Variants in NFE2L3 observed in about 807,000 individuals in gnomAD.
NFE2L3 encodes the protein NFE2 like bZIP transcription factor 3.
A neutral mutation model predicts 23.5 loss-of-function variants in NFE2L3; 18 were observed. The observed-to-expected ratio is 0.77, with a 90% confidence interval of 0.53 to 1.13. The LOEUF is 1.13. NFE2L3 is among the 50% of genes most tolerant of loss of function. The pLI is 0.00. For synonymous variants in NFE2L3, 424 were observed against 354.5 expected (o/e 1.20, Z -2.20); for missense variants, 1,152 against 877.2 (o/e 1.31, Z -3.96).
intron 1 of NFE2L3, among the ~76,000 whole-genome samples, chr7:26,167,066 CTT>C (rs1024734728): frequency 3.3e-5 from 5 of 152,184 alleles, no homozygotes; most frequent in Admixed American, 2.0e-4. Context: ...GCTTCAGAGA[CTT>C]TGCAAGGAGA....
intron 1 of NFE2L3, among the ~76,000 whole-genome samples, chr7:26,175,856 T>TTG: frequency 7.3e-6 from 1 of 137,830 alleles, no homozygotes; most frequent in Middle Eastern, 3.8e-3. Flanking sequence ...TTCTTTTCTT[T>TTG]TTTTTTTTTT....
In NFE2L3 at chr7:26,185,596, T is replaced by A; in HGVS notation, c.1898T>A (p.Ile633Lys). 6.2e-7 allele frequency: 1 copy of A among 1,613,800 alleles called. No homozygotes were observed. The highest frequency in any genetic ancestry group is 8.5e-7 in the Non-Finnish European group (1 of 1,179,798). ...EQAQCNKAIN[I>K]MKQKLHDLYH... ...GCACAATGTAACAAAGCTATTAACA[T>A]AATGAAACAGAAACTGCATGACCTT... Residue 633 changes from isoleucine to lysine, a missense_variant, in exon 4 of 4, where the codon ATA becomes AAA. Coordinates refer to ENST00000056233, the MANE Select transcript of NFE2L3 (RefSeq NM_004289.7).
chr7:26,175,495 C>T lies in NFE2L3; in HGVS notation c.571-2448C>T, dbSNP rs201383440. Among the ~76,000 whole-genome samples, 105 of 151,838 alleles carry T rather than the reference C, an allele frequency of 6.9e-4. 4 individuals are homozygous for T. In the East Asian group the frequency reaches 0.018, roughly 26 times the overall value. ...AATTAATAGTTTATAATAATAGTTT[C>T]CGCCGGGTGCGGTGGCTCACGCCTG... is the stretch of plus-strand genomic sequence containing the variant. On this transcript the variant is annotated intron_variant, in intron 1 of 3. Transcript: ENST00000056233.
intron 2 of NFE2L3, among the ~76,000 whole-genome samples, chr7:26,182,230 C>G (rs1430165885): frequency 1.3e-5 from 2 of 152,160 alleles, no homozygotes; most frequent in African/African-American, 4.8e-5. Context: ...TGAGAGCAAA[C>G]TTACCAGTAG....
At chr7:26,182,779 T>C (rs1782351264) in intron 2 of NFE2L3, among the ~76,000 whole-genome samples, 1 of 151,740 alleles carries the variant, frequency 6.6e-6, no homozygotes, top group African/African-American at 2.4e-5. Flanking sequence ...CAAATTGGAG[T>C]AAATGTAAAT....
intron 1 of NFE2L3, among the ~76,000 whole-genome samples, chr7:26,170,352 C>T (rs1784316346): frequency 6.6e-6 from 1 of 152,212 alleles, no homozygotes; most frequent in Non-Finnish European, 1.5e-5. Context: ...AATCTGTCCC[C>T]ACCTCAGTCC....
Position 26,186,877 on chromosome 7 carries a change from A to C in NFE2L3, c.*1094A>C, listed in dbSNP as rs1169837212. ...CCTCACTTAAGTTCACTAGAACAGT[A>C]AACAGGAGATTGCTGAATTTTTTGA... On this transcript the variant is annotated 3_prime_UTR_variant, in exon 4 of 4. Coordinates refer to ENST00000056233, the MANE Select transcript of NFE2L3 (RefSeq NM_004289.7). The C allele has an allele frequency of 6.6e-6, 1 of 152,250 alleles. No individual in the cohort carries two copies. Among genetic ancestry groups the C allele is most frequent in the Admixed American group, 6.5e-5 (1 of 15,288 alleles). 9.4% of individuals were successfully genotyped at this position (152,250 alleles called of 1,614,324 possible).
chr7:26,152,924 C>A lies in NFE2L3; in HGVS notation c.426C>A (p.Ser142Arg). ...CGTCCACCGGAGGAGCCGGCGCCAG[C>A]GTGGACGGCGGCAGCCAGGCTGTGC... ...AASSTGGAGA[S>R]VDGGSQAVQG... Residue 142 changes from serine (S) to arginine (R), a missense_variant, in exon 1 of 4, where the codon AGC (serine) becomes AGA (arginine). Coordinates refer to ENST00000056233, the MANE Select transcript of NFE2L3 (RefSeq NM_004289.7). This position sits in a 1 kb window ranked among gnomAD's most constrained non-coding sequence, Gnocchi z 4.4. The A allele has an allele frequency of 7.0e-7, 1 of 1,438,836 alleles. No homozygotes were observed. Among genetic ancestry groups the A allele is most frequent in the Non-Finnish European group, 9.0e-7 (1 of 1,108,164 alleles). The allele number at this position is 1,438,836 out of a possible 1,614,324, so 89.1% of individuals were successfully genotyped here. A position where few individuals can be genotyped will look rare whatever the true frequency, so the allele number is the denominator to read the frequency against.
chr7:26,163,636 C>T (rs546394871), intron 1 of NFE2L3, among the ~76,000 whole-genome samples: 3 of 152,146 alleles, frequency 2.0e-5, no homozygotes, highest in Non-Finnish European at 4.4e-5. Flanking sequence ...CGTGAGCTAC[C>T]ACACGTGGCC....
At chr7:26,177,459 T>C (rs1784433813) in intron 1 of NFE2L3, among the ~76,000 whole-genome samples, 1 of 151,936 alleles carries the variant, frequency 6.6e-6, no homozygotes, top group Admixed American at 6.5e-5. Context: ...CAGTCAGGCA[T>C]GGCGGCGCGT....
intron 1 of NFE2L3, among the ~76,000 whole-genome samples, chr7:26,170,808 A>G (rs1348041872): frequency 6.6e-6 from 1 of 152,212 alleles, no homozygotes; most frequent in Non-Finnish European, 1.5e-5. Context: ...TGCATGACTC[A>G]GTCCTTTTGG....
chr7:26,157,779 T>G lies in NFE2L3; in HGVS notation c.570+4711T>G, dbSNP rs185272908. 3.4e-3 allele frequency among the ~76,000 whole-genome samples: 519 copies of G among 152,320 alleles called. 4 individuals are homozygous for G. Among genetic ancestry groups the G allele is most frequent in the Middle Eastern group, 0.01 (3 of 294 alleles). ...GGCTGCCATAACAAATACCACAGAC[T>G]GGGTGGCTTAAACAGAAATTTATTC... On this transcript the variant is annotated intron_variant, in intron 1 of 3. Coordinates refer to ENST00000056233, the MANE Select transcript of NFE2L3 (RefSeq NM_004289.7).
Position 26,152,748 on chromosome 7 carries a change from G to A in NFE2L3, c.250G>A (p.Ala84Thr). Residue 84 changes from alanine to threonine, a missense_variant, in exon 1 of 4, where the codon GCC becomes ACC. By Grantham distance (58) the Ala-to-Thr change is moderately conservative. Coordinates refer to ENST00000056233, the MANE Select transcript of NFE2L3 (RefSeq NM_004289.7). The surrounding 1 kb of genome is among the most constrained non-coding windows in gnomAD (Gnocchi z 4.4). ...LHPKGRELDP[A>T]APPEGQLLRE... Reference sequence around the variant, plus strand: ...CCCCAAGGGCCGGGAGCTGGACCCTGCCGCGCCGCCCGAGGGCCAGCTGCT... The same window carrying A: ...CCCCAAGGGCCGGGAGCTGGACCCTACCGCGCCGCCCGAGGGCCAGCTGCT... The A allele has an allele frequency of 6.8e-7, 1 of 1,472,656 alleles. No individual in the cohort carries two copies. Among genetic ancestry groups the A allele is most frequent in the Non-Finnish European group, 8.9e-7 (1 of 1,119,832 alleles). The allele number at this position is 1,472,656 out of a possible 1,614,324, so 91.2% of individuals were successfully genotyped here. A position where few individuals can be genotyped will look rare whatever the true frequency, so the allele number is the denominator to read the frequency against.
Position 26,184,871 on chromosome 7 carries a change from G to A in NFE2L3, c.1173G>A (p.Glu391=). The A allele has an allele frequency of 6.2e-7, 1 of 1,613,916 alleles. No homozygotes were observed. The highest frequency in any genetic ancestry group is 8.5e-7 in the Non-Finnish European group (1 of 1,179,824). The change falls in exon 4 of 4, where the codon GAG becomes GAA. Residue 391 remains glutamate (E), a synonymous_variant. Coordinates refer to ENST00000056233, the MANE Select transcript of NFE2L3 (RefSeq NM_004289.7). ...LYDLDINIFD[E]INLMSLATED... is the part of the protein sequence containing the mutation. ...ACCTTGACATAAATATATTTGATGA[G>A]ATAAACTTAATGTCATTGGCCACAG...
At chr7:26,157,857 C>G (rs1784106856) in intron 1 of NFE2L3, among the ~76,000 whole-genome samples, 1 of 152,110 alleles carries the variant, frequency 6.6e-6, no homozygotes, top group African/African-American at 2.4e-5. Context: ...GCAGATTGGC[C>G]CTTCTGCGGG....
intron 1 of NFE2L3, among the ~76,000 whole-genome samples, chr7:26,171,499 G>A (rs904046667): frequency 6.6e-5 from 10 of 150,890 alleles, no homozygotes; most frequent in Admixed American, 2.6e-4. Context: ...AGCTGAGATC[G>A]CGCCATTGCA....
At chr7:26,179,725 CA>C (rs1385188585) in intron 2 of NFE2L3, among the ~76,000 whole-genome samples, 2 of 152,088 alleles carry the variant, frequency 1.3e-5, no homozygotes, top group African/African-American at 4.8e-5. Context: ...AAATCCAAAA[CA>C]AAACACACTG....
At chr7:26,166,225 A>T (rs1392395709) in intron 1 of NFE2L3, among the ~76,000 whole-genome samples, 3 of 152,142 alleles carry the variant, frequency 2.0e-5, no homozygotes, top group African/African-American at 7.2e-5. Context: ...GCAGACAGGG[A>T]CGTTGGAGTG....
rs186935620 is a variant in NFE2L3, at chr7:26,160,765, A to C, written c.570+7697A>C. Among the ~76,000 whole-genome samples the C allele has an allele frequency of 2.6e-5, 4 of 152,368 alleles. No homozygotes were observed. In the East Asian group the frequency reaches 5.8e-4, roughly 22 times the overall value. ...AACCACATGTACAGAATACCTTCAG[A>C]GCAACACACAGGTTAGCACTTAATA... is the stretch of plus-strand genomic sequence containing the variant. On this transcript the variant is annotated intron_variant, in intron 1 of 3. Coordinates refer to ENST00000056233, the MANE Select transcript of NFE2L3 (RefSeq NM_004289.7).
Sources: gnomAD v4.1 joint callset for allele counts (sites outside exome capture counted in the v4.1 genomes callset) on GRCh38, gnomAD v4.1.1 for gene constraint, Gnocchi (gnomAD v3.1) non-coding constraint, MANE v1.5 for transcripts, NCBI Gene and HGNC (gene_info 2026-07-23, HGNC 2026-07-21) for gene names.